The following KCNH7 variants were observed in gnomAD, a reference collection of about 807,000 sequenced individuals.
The protein encoded by KCNH7 is voltage-gated inwardly rectifying potassium channel KCNH7.
In KCNH7, 49 loss-of-function variants were observed where a neutral mutation model predicts 120.8. The observed-to-expected ratio is 0.41, with a 90% CI of 0.32 to 0.51. KCNH7 has a LOEUF of 0.51. Among genes scored for constraint, KCNH7 ranks in the 20% least tolerant of loss-of-function variants. KCNH7 has a pLI of 0.38. For missense variants in KCNH7, 1,097 were observed against 1,446.6 expected (o/e 0.76, Z 3.92); for synonymous variants, 547 against 516.1 (o/e 1.06, Z -0.81).
chr2:162,582,949 T>C (rs769063986), intron 2 of KCNH7, among the ~76,000 whole-genome samples: 2 of 152,094 alleles, frequency 1.3e-5, no homozygotes, highest in Admixed American at 6.5e-5. Context: ...TGCTCATAAA[T>C]CTTCCCACGC....
chr2:162,379,890 C>G lies in KCNH7; in HGVS notation c.3094G>C (p.Glu1032Gln), dbSNP rs1224090332. Residue 1032 changes from glutamate (E) to glutamine (Q), a missense_variant, in exon 14 of 16, where the codon GAA (glutamate) becomes CAA (glutamine). Glu to Gln is a conservative substitution (Grantham distance 29, BLOSUM62 2). Transcript: ENST00000332142. ...TCCTGGAGCAGATCTAATCTTTGTT[C>G]CACTTCCCCGTAGGTGAGGTCGCTT... Reference protein sequence around the residue: ...TESDLTYGEVEQRLDLLQEQL... With the variant: ...TESDLTYGEVQQRLDLLQEQL... 1 of 1,613,836 alleles carries G rather than the reference C, an allele frequency of 6.2e-7. No homozygotes were observed. Among genetic ancestry groups the G allele is most frequent in the East Asian group, 2.2e-5 (1 of 44,870 alleles).
Position 162,681,572 on chromosome 2 carries a change from T to C in KCNH7, c.308-144492A>G, listed in dbSNP as rs1272366906. Among the ~76,000 whole-genome samples the C allele has an allele frequency of 2.0e-5, 3 of 151,708 alleles. No homozygotes were observed. In the Admixed American group the frequency reaches 2.0e-4, roughly 10 times the overall value. On this transcript the variant is annotated intron_variant, in intron 2 of 15. Coordinates refer to ENST00000332142, the MANE Select transcript of KCNH7 (RefSeq NM_033272.4). ...CAGCCCTACCCAAAAACTCATGCCT[T>C]AGCAGTCAGTATAATATTCATACTG...
chr2:162,449,258 C>T (rs1037247906), intron 6 of KCNH7, among the ~76,000 whole-genome samples: 4 of 152,000 alleles, frequency 2.6e-5, no homozygotes, highest in African/African-American at 7.2e-5. Context: ...CCTTCTCATA[C>T]AGGAATAATA....
chr2:162,604,590 TC>T (rs1694669326), intron 2 of KCNH7, among the ~76,000 whole-genome samples: 1 of 152,062 alleles, frequency 6.6e-6, no homozygotes, highest in Admixed American at 6.6e-5. Context: ...CTCTTTGTTT[TC>T]CCCTCTAAAT....
At chr2:162,673,442 A>G (rs889053921) in intron 2 of KCNH7, among the ~76,000 whole-genome samples, 7 of 152,038 alleles carry the variant, frequency 4.6e-5, no homozygotes, top group African/African-American at 1.7e-4. Context: ...ATCTAGTCAC[A>G]ATAATTTATT....
At chr2:162,381,521 A>G (rs1160192352) in intron 13 of KCNH7, among the ~76,000 whole-genome samples, 3 of 152,064 alleles carry the variant, frequency 2.0e-5, no homozygotes, top group African/African-American at 7.2e-5. Context: ...ACATAAAGAA[A>G]TTTCTCAAAT....
intron 2 of KCNH7, among the ~76,000 whole-genome samples, chr2:162,688,338 T>G (rs1685970272): frequency 1.3e-5 from 2 of 152,116 alleles, no homozygotes; most frequent in Admixed American, 1.3e-4. Flanking sequence ...GGATTCCAGT[T>G]TTTCACCCAT....
rs567911244 is a variant in KCNH7 at position 162,650,069 on chromosome 2, G to A, written c.308-112989C>T. Among the ~76,000 whole-genome samples, 3 of 152,176 alleles carry A rather than the reference G, an allele frequency of 2.0e-5. No individual in the cohort carries two copies. The South Asian group carries it at 6.2e-4, about 32-fold the overall frequency. ...CCTTTTACATATTACATGCTATTTA[G>A]CTCATTGCTATTATAGATCTTTAGT... On this transcript the variant is annotated intron_variant, in intron 2 of 15. Coordinates refer to ENST00000332142, the MANE Select transcript of KCNH7 (RefSeq NM_033272.4).
Position 162,655,560 on chromosome 2 carries a change from G to A in KCNH7, c.308-118480C>T, listed in dbSNP as rs559232717. 1.4e-3 allele frequency among the ~76,000 whole-genome samples: 212 copies of A among 152,192 alleles called. 2 individuals are homozygous for A. Among genetic ancestry groups the A allele is most frequent in the African/African-American group, 4.7e-3 (197 of 41,546 alleles). On this transcript the variant is annotated intron_variant, in intron 2 of 15. Transcript: ENST00000332142. The stretch of plus-strand genomic sequence containing the variant: ...CCAGCACTTTGGGAGACTGAGGTGG[G>A]CGGATCACGAGGTCAAGAGATCGAG...
intron 2 of KCNH7, among the ~76,000 whole-genome samples, chr2:162,729,401 TTTTG>T (rs1323660066): frequency 6.6e-6 from 1 of 150,568 alleles, no homozygotes; most frequent in African/African-American, 2.5e-5. Flanking sequence ...TGTCCCCCAA[TTTTG>T]TTTTTCTTTT....
At chr2:162,583,800 A>C (rs1321812382) in intron 2 of KCNH7, among the ~76,000 whole-genome samples, 1 of 152,100 alleles carries the variant, frequency 6.6e-6, no homozygotes, top group Non-Finnish European at 1.5e-5. Context: ...TAGGGCACTA[A>C]TGTCTTCATA....
At chr2:162,532,827 A>C (rs1315201498) in intron 3 of KCNH7, among the ~76,000 whole-genome samples, 1 of 151,948 alleles carries the variant, frequency 6.6e-6, no homozygotes, top group East Asian at 1.9e-4. Flanking sequence ...GAGGAGAAGA[A>C]AATAGATAAG....
At chr2:162,713,196 C>T (rs776925366) in intron 2 of KCNH7, among the ~76,000 whole-genome samples, 12 of 152,178 alleles carry the variant, frequency 7.9e-5, no homozygotes, top group South Asian at 2.1e-4. Context: ...CAGACATAGA[C>T]GACGTATTTA....
intron 12 of KCNH7, 120 bp from the exon 13 acceptor site, chr2:162,385,059 C>A (rs954977962): frequency 1.0e-5 from 7 of 683,132 alleles, no homozygotes; most frequent in Non-Finnish European, 1.6e-5. Flanking sequence ...GAAAATGTAG[C>A]TACTTGGGTA....
At chr2:162,827,922 C>T (rs533000844) in intron 2 of KCNH7, among the ~76,000 whole-genome samples, 171 of 152,190 alleles carry the variant, frequency 1.1e-3, no homozygotes, top group Middle Eastern at 6.8e-3. Context: ...CAATGTTAGA[C>T]CTTTGGGAGA....
At chr2:162,623,017 A>G (rs772028338) in intron 2 of KCNH7, among the ~76,000 whole-genome samples, 1 of 152,166 alleles carries the variant, frequency 6.6e-6, no homozygotes, top group African/African-American at 2.4e-5. Flanking sequence ...TTTTTATTTC[A>G]GAAACATTCC....
At chr2:162,556,153 T>C (rs1378472496) in intron 2 of KCNH7, among the ~76,000 whole-genome samples, 1 of 152,106 alleles carries the variant, frequency 6.6e-6, no homozygotes, top group Admixed American at 6.5e-5. Flanking sequence ...CACATATATA[T>C]ATAATTATGC....
intron 8 of KCNH7, among the ~76,000 whole-genome samples, chr2:162,425,399 G>C (rs1687827096): frequency 6.6e-6 from 1 of 152,116 alleles, no homozygotes; most frequent in South Asian, 2.1e-4. Flanking sequence ...TTAATTCTCT[G>C]TAAGGTAGAG....
chr2:162,524,888 C>A (rs1178337921), intron 3 of KCNH7, among the ~76,000 whole-genome samples: 1 of 151,872 alleles, frequency 6.6e-6, no homozygotes, highest in Admixed American at 6.6e-5. Context: ...GCTGGTAGAA[C>A]AACTCAGAAT....
Sources: allele counts gnomAD v4.1 joint callset (sites outside exome capture counted in the v4.1 genomes callset), GRCh38; gene constraint gnomAD v4.1.1; transcripts MANE v1.5; gene names NCBI Gene and HGNC (gene_info 2026-07-23, HGNC 2026-07-21).